Variants in CTSO observed in about 807,000 individuals in gnomAD.
The protein encoded by CTSO is cathepsin O.
A neutral mutation model predicts 42.4 loss-of-function variants in CTSO; 40 were observed. That is an observed-to-expected ratio of 0.94 (90% CI 0.73 to 1.23). The LOEUF (loss-of-function observed/expected upper bound fraction) is 1.23, where lower values mean the gene tolerates loss of function less well. Among genes scored for constraint, CTSO ranks in the 50% most tolerant of loss-of-function variants. The pLI is 0.00. For synonymous variants in CTSO, 156 were observed against 146.2 expected (o/e 1.07, Z -0.48); for missense variants, 441 against 396.0 (o/e 1.11, Z -0.96).
At chr4:155,934,830 G>A (rs1273233209) in intron 5 of CTSO, among the ~76,000 whole-genome samples, 1 of 152,144 alleles carries the variant, frequency 6.6e-6, no homozygotes, top group Non-Finnish European at 1.5e-5. Context: ...AGGCTCATAG[G>A]CGGAAGGGAG....
At chr4:155,929,742 T>C (rs779740135) in intron 5 of CTSO, 37 bp from the exon 6 acceptor site, 2 of 1,571,984 alleles carry the variant, frequency 1.3e-6, no homozygotes, top group South Asian at 1.2e-5. Flanking sequence ...GAAAATTTAG[T>C]TTTTAAGGTA....
At chr4:155,927,786 AGTT>A (rs1381003038) in intron 7 of CTSO, among the ~76,000 whole-genome samples, 2 of 151,982 alleles carry the variant, frequency 1.3e-5, no homozygotes, top group Admixed American at 1.3e-4. Context: ...AAAAAAAAAA[AGTT>A]GTCACTCAAT....
chr4:155,946,009 T>A lies in CTSO; in HGVS notation c.136-2745A>T, dbSNP rs550368260. On this transcript the variant is annotated intron_variant, in intron 1 of 7. Transcript: ENST00000433477. ...AAGATCCTTAAAATTACACAAATTGTTTAATTAAGAAAATCTAATTCTAGG... is the reference window on the plus strand; with the variant it reads ...AAGATCCTTAAAATTACACAAATTGATTAATTAAGAAAATCTAATTCTAGG... Among the ~76,000 whole-genome samples, 3 of 152,266 alleles carry A rather than the reference T, an allele frequency of 2.0e-5. No individual in the cohort carries two copies. The South Asian group carries it at 6.2e-4, about 32-fold the overall frequency.
chr4:155,928,887 A>G (rs900552313), intron 6 of CTSO, among the ~76,000 whole-genome samples: 4 of 152,194 alleles, frequency 2.6e-5, no homozygotes, highest in African/African-American at 9.6e-5. Context: ...CATTGGGAAC[A>G]GGCCCCCCAA....
chr4:155,940,120 A>T (rs1313833121), intron 3 of CTSO, among the ~76,000 whole-genome samples: 1 of 152,218 alleles, frequency 6.6e-6, no homozygotes. Flanking sequence ...TGTACATGAA[A>T]TGTCCTAAGG....
chr4:155,943,733 A>C (rs972576488), intron 1 of CTSO, among the ~76,000 whole-genome samples: 1 of 152,326 alleles, frequency 6.6e-6, no homozygotes, highest in East Asian at 1.9e-4. Context: ...TAAATAAATT[A>C]ATAAATCAAT....
chr4:155,937,814 C>T (rs1743359046), intron 4 of CTSO, among the ~76,000 whole-genome samples: 1 of 152,106 alleles, frequency 6.6e-6, no homozygotes, highest in South Asian at 2.1e-4. Flanking sequence ...TGGGGTCTCA[C>T]TCTGTTGCCC....
At chr4:155,952,916 A>G (rs2110942991) in intron 1 of CTSO, among the ~76,000 whole-genome samples, 1 of 152,278 alleles carries the variant, frequency 6.6e-6, no homozygotes, top group African/African-American at 2.4e-5. Flanking sequence ...GTTAAATAGT[A>G]TCAGCTATCT....
chr4:155,934,552 G>A (rs1743295959), intron 5 of CTSO, among the ~76,000 whole-genome samples: 1 of 152,146 alleles, frequency 6.6e-6, no homozygotes, highest in African/African-American at 2.4e-5. Context: ...CAGCCAGGAG[G>A]GAGGCTGTAC....
At chr4:155,949,519 T>A (rs1743608328) in intron 1 of CTSO, among the ~76,000 whole-genome samples, 1 of 152,232 alleles carries the variant, frequency 6.6e-6, no homozygotes, top group South Asian at 2.1e-4. Flanking sequence ...TAAGGTACTT[T>A]GGAAGCTCAC....
In CTSO at chr4:155,942,357, C is replaced by G; in HGVS notation, c.344G>C (p.Arg115Thr). 1 of 1,591,050 alleles carries G rather than the reference C, an allele frequency of 6.3e-7. No individual in the cohort carries two copies. Among genetic ancestry groups the G allele is most frequent in the Non-Finnish European group, 8.5e-7 (1 of 1,170,036 alleles). Reference protein sequence around the residue: ...NVSLPLRFDWRDKQVVTQVRN... With the variant: ...NVSLPLRFDWTDKQVVTQVRN... Reference sequence around the variant, plus strand: ...CACTTGTGTCACAACCTGCTTGTCCCTCCAGTCAAATCTTAACGGCAAAGA... The same window carrying G: ...CACTTGTGTCACAACCTGCTTGTCCGTCCAGTCAAATCTTAACGGCAAAGA... Residue 115 changes from arginine (R) to threonine (T), a missense_variant, in exon 3 of 8, where the codon AGG becomes ACG. Arg to Thr is a moderately conservative substitution (Grantham distance 71). Transcript: ENST00000433477.
chr4:155,952,614 C>T (rs1305913991), intron 1 of CTSO, among the ~76,000 whole-genome samples: 1 of 152,020 alleles, frequency 6.6e-6, no homozygotes, highest in East Asian at 1.9e-4. Context: ...GAACTGAACT[C>T]AAGAATAATA....
At chr4:155,931,012 T>C (rs1479830545) in intron 5 of CTSO, among the ~76,000 whole-genome samples, 3 of 152,156 alleles carry the variant, frequency 2.0e-5, no homozygotes, top group South Asian at 4.1e-4. Flanking sequence ...ACTGCAGCCA[T>C]TCAACCTACC....
At position 155,942,342 on chromosome 4, in the gene CTSO, A is replaced by G. The variant is rs780291073; in HGVS notation, c.359T>C (p.Val120Ala). The G allele has an allele frequency of 3.4e-5, 53 of 1,580,344 alleles. No homozygotes were observed. Among genetic ancestry groups the G allele is most frequent in the Non-Finnish European group, 4.5e-5 (53 of 1,165,000 alleles). The part of the protein sequence containing the change: ...LRFDWRDKQV[V>A]TQVRNQQMCG... ...CATCTGCTGGTTTCTCACTTGTGTC[A>G]CAACCTGCTTGTCCCTCCAGTCAAA... Residue 120 changes from valine to alanine, a missense_variant, in exon 3 of 8, where the codon GTG becomes GCG. Coordinates refer to ENST00000433477, the MANE Select transcript of CTSO (RefSeq NM_001334.3).
At chr4:155,946,917 G>A (rs544133485) in intron 1 of CTSO, among the ~76,000 whole-genome samples, 5 of 152,218 alleles carry the variant, frequency 3.3e-5, no homozygotes, top group South Asian at 4.1e-4. Flanking sequence ...GTGCAGTGGC[G>A]TGATCTCAGC....
intron 7 of CTSO, among the ~76,000 whole-genome samples, chr4:155,926,540 C>G (rs575727420): frequency 9.2e-5 from 14 of 152,152 alleles, no homozygotes; most frequent in Non-Finnish European, 2.1e-4. Flanking sequence ...ATGGCAAAAG[C>G]AATAAATAGC....
At chr4:155,934,474 T>C (rs1208232541) in intron 5 of CTSO, among the ~76,000 whole-genome samples, 3 of 152,112 alleles carry the variant, frequency 2.0e-5, no homozygotes, top group Non-Finnish European at 2.9e-5. Context: ...CCCAGAATGG[T>C]AGATCCACTG....
In CTSO at chr4:155,924,274, G is replaced by A. The variant is rs899243745; in HGVS notation, c.*1762C>T. 3 of 152,198 alleles carry A rather than the reference G, an allele frequency of 2.0e-5. No individual in the cohort carries two copies. The highest frequency in any genetic ancestry group is 2.9e-5 in the Non-Finnish European group (2 of 68,000). 9.4% of individuals were successfully genotyped at this position (152,198 alleles called of 1,614,324 possible). A position where few individuals can be genotyped will look rare whatever the true frequency, so the allele number is the denominator to read the frequency against. ...CATCTATATCACATAGAAAGTCAGC[G>A]AATACAAACTAGACAAGCAGGACAT... On this transcript the variant is annotated 3_prime_UTR_variant, in exon 8 of 8. Coordinates refer to ENST00000433477, the MANE Select transcript of CTSO (RefSeq NM_001334.3).
At position 155,948,338 on chromosome 4, in the gene CTSO, A is replaced by G. The variant is rs1438612960; in HGVS notation, c.136-5074T>C. Among the ~76,000 whole-genome samples the G allele has an allele frequency of 5.9e-5, 9 of 151,404 alleles. No homozygotes were observed. The East Asian group carries it at 1.8e-3, about 30-fold the overall frequency. On this transcript the variant is annotated intron_variant, in intron 1 of 7. Coordinates refer to ENST00000433477, the MANE Select transcript of CTSO (RefSeq NM_001334.3). ...ATCCTTATTATGACTTCTAGCAGCC[A>G]TCCTTCTAAGAGGTAGAATCTCTTA...
Sources: gnomAD v4.1 joint callset for allele counts (sites outside exome capture counted in the v4.1 genomes callset) on GRCh38, gnomAD v4.1.1 for gene constraint, MANE v1.5 for transcripts, NCBI Gene and HGNC (gene_info 2026-07-23, HGNC 2026-07-21) for gene names.